Variants in GOLGA4 observed in about 807,000 individuals in gnomAD.
GOLGA4 encodes golgin subfamily A member 4.
Under a neutral mutation model 265.9 loss-of-function variants are expected in GOLGA4, and 169 were observed. That is an observed-to-expected ratio of 0.64 (90% CI 0.56 to 0.72). The LOEUF (loss-of-function observed/expected upper bound fraction) is 0.72, where lower values mean the gene tolerates loss of function less well. GOLGA4 is among the 30% of genes least tolerant of loss of function. The pLI is 0.00. For synonymous variants in GOLGA4, 923 were observed against 855.8 expected (o/e 1.08, Z -1.37); for missense variants, 2,482 against 2,483.4 (o/e 1.00, Z 0.01).
At chr3:37,279,212 G>A (rs1454350735) in intron 2 of GOLGA4, among the ~76,000 whole-genome samples, 1 of 152,118 alleles carries the variant, frequency 6.6e-6, no homozygotes, top group Non-Finnish European at 1.5e-5. Context: ...ATCCTATAAA[G>A]ATTGAACATC....
chr3:37,273,892 A>T (rs1019132151), intron 2 of GOLGA4, among the ~76,000 whole-genome samples: 1 of 152,170 alleles, frequency 6.6e-6, no homozygotes, highest in Non-Finnish European at 1.5e-5. Context: ...GCTTGAGGCC[A>T]AGAGTTCGAG....
intron 2 of GOLGA4, among the ~76,000 whole-genome samples, chr3:37,265,383 A>G (rs1036794364): frequency 2.6e-5 from 4 of 152,346 alleles, no homozygotes; most frequent in Non-Finnish European, 5.9e-5. Context: ...TACATACTTT[A>G]GAGAAAAATA....
At chr3:37,331,030 CAA>C (rs1205353359) in intron 16 of GOLGA4, among the ~76,000 whole-genome samples, 6 of 63,092 alleles carry the variant, frequency 9.5e-5, no homozygotes, top group African/African-American at 1.2e-4. Context: ...GACTCCGTCT[CAA>C]AAAAAAAAAA....
chr3:37,354,368 G>A (rs1245202460), intron 21 of GOLGA4, among the ~76,000 whole-genome samples: 1 of 151,986 alleles, frequency 6.6e-6, no homozygotes, highest in African/African-American at 2.4e-5. Flanking sequence ...TTCATAAGTG[G>A]TATCTTCTTT....
chr3:37,257,903 A>G (rs1180091493), intron 2 of GOLGA4, among the ~76,000 whole-genome samples: 1 of 131,214 alleles, frequency 7.6e-6, no homozygotes, highest in African/African-American at 2.9e-5. Flanking sequence ...ACATATATAT[A>G]TATATATATA....
In GOLGA4 at chr3:37,315,040, T is replaced by C. The variant is rs569229728; in HGVS notation, c.1235-380T>C. On this transcript the variant is annotated intron_variant, in intron 10 of 23. Transcript: ENST00000361924. ...ACATAATTATTGATGATAAGAACTT[T>C]AGAGCAAACGAAAAACAATTGAAAT... Among the ~76,000 whole-genome samples, 7 of 152,340 alleles carry C rather than the reference T, an allele frequency of 4.6e-5. No homozygotes were observed. The East Asian group carries it at 1.3e-3, about 29-fold the overall frequency.
intron 11 of GOLGA4, among the ~76,000 whole-genome samples, chr3:37,317,268 C>T (rs2096940402): frequency 6.6e-6 from 1 of 152,228 alleles, no homozygotes; most frequent in African/African-American, 2.4e-5. Flanking sequence ...CCCCCACGTT[C>T]AAGCAATTCT....
intron 12 of GOLGA4, chr3:37,319,807 C>G (rs146771546): frequency 6.6e-6 from 1 of 152,130 alleles, no homozygotes; most frequent in African/African-American, 2.4e-5. Flanking sequence ...GTATAACCAA[C>G]ACACTTTCAT....
rs2096973965 is a variant in GOLGA4, at chr3:37,327,158, G to A, written c.5272G>A (p.Glu1758Lys). 1.2e-6 allele frequency: 2 copies of A among 1,613,676 alleles called. No individual in the cohort carries two copies. Among genetic ancestry groups the A allele is most frequent in the Admixed American group, 1.7e-5 (1 of 59,994 alleles). Residue 1758 changes from glutamate (E) to lysine (K), a missense_variant, in exon 14 of 24, where the codon GAA becomes AAA. Coordinates refer to ENST00000361924, the MANE Select transcript of GOLGA4 (RefSeq NM_002078.5). ...KEKLLQRVGQ[E>K]KEETVSSHFE... Reference sequence around the variant, plus strand: ...AAAGCTATTGCAGAGGGTAGGGCAGGAAAAAGAAGAGACAGTTTCTTCTCA... The same window carrying A: ...AAAGCTATTGCAGAGGGTAGGGCAGAAAAAAGAAGAGACAGTTTCTTCTCA...
intron 20 of GOLGA4, among the ~76,000 whole-genome samples, chr3:37,344,048 C>T (rs1179374478): frequency 6.6e-6 from 1 of 152,212 alleles, no homozygotes; most frequent in African/African-American, 2.4e-5. Flanking sequence ...TATATGGTTA[C>T]CTTGAGGTAC....
chr3:37,322,326 C>A (rs544722210), intron 13 of GOLGA4, among the ~76,000 whole-genome samples: 14 of 152,238 alleles, frequency 9.2e-5, no homozygotes, highest in Admixed American at 1.3e-4. Flanking sequence ...CATTTGGTTT[C>A]CCCAGTTTTT....
At chr3:37,261,964 T>C (rs528179797) in intron 2 of GOLGA4, among the ~76,000 whole-genome samples, 1 of 152,206 alleles carries the variant, frequency 6.6e-6, no homozygotes, top group East Asian at 1.9e-4. Flanking sequence ...AATACCTTTT[T>C]CAAGATGAGC....
At chr3:37,284,637 T>C (rs1344961175) in intron 3 of GOLGA4, among the ~76,000 whole-genome samples, 1 of 151,824 alleles carries the variant, frequency 6.6e-6, no homozygotes, top group Admixed American at 6.6e-5. Context: ...TTATATTCTT[T>C]GTTGCTAGAC....
intron 5 of GOLGA4, among the ~76,000 whole-genome samples, chr3:37,294,631 CCCT>C (rs1268113832): frequency 1.3e-5 from 2 of 152,178 alleles, no homozygotes; most frequent in African/African-American, 4.8e-5. Flanking sequence ...AAGTGATCCA[CCCT>C]CCTCGGCCTC....
At chr3:37,254,957 G>T (rs1297643766) in intron 2 of GOLGA4, among the ~76,000 whole-genome samples, 3 of 147,904 alleles carry the variant, frequency 2.0e-5, no homozygotes, top group Non-Finnish European at 4.5e-5. Flanking sequence ...CTATTATCTA[G>T]AAATCCCATT....
rs1476392027 is a variant in GOLGA4 at position 37,282,132 on chromosome 3, A to G, written c.337A>G (p.Ser113Gly). Reference sequence around the variant, plus strand: ...ACTTGACCTGGACAGTTCTACTGCCAGTTTTGATCCACCCTCTGATATGGA... The same window carrying G: ...ACTTGACCTGGACAGTTCTACTGCCGGTTTTGATCCACCCTCTGATATGGA... ...NRLDLDSSTA[S>G]FDPPSDMDSE... Residue 113 changes from serine to glycine, a missense_variant, in exon 3 of 24, where the codon AGT becomes GGT. Around this residue, in one of 3 missense-constraint regions of GOLGA4, gnomAD observed 1,536 missense variants for 1,483.7 expected, o/e 1.04. Transcript: ENST00000361924. The G allele has an allele frequency of 6.2e-7, 1 of 1,614,206 alleles. No individual in the cohort carries two copies. Among genetic ancestry groups the G allele is most frequent in the South Asian group, 1.1e-5 (1 of 91,088 alleles).
chr3:37,255,433 G>T (rs1184739724), intron 2 of GOLGA4, among the ~76,000 whole-genome samples: 5 of 152,156 alleles, frequency 3.3e-5, no homozygotes, highest in African/African-American at 1.2e-4. Context: ...AAAGTGCTGG[G>T]ATTACAGGCA....
chr3:37,315,174 A>C (rs1254216940), intron 10 of GOLGA4, among the ~76,000 whole-genome samples: 1 of 152,190 alleles, frequency 6.6e-6, no homozygotes, highest in East Asian at 1.9e-4. Context: ...CCAAACTTCT[A>C]AGCTTAGGCT....
chr3:37,269,842 C>T (rs539796316), intron 2 of GOLGA4, among the ~76,000 whole-genome samples: 84 of 141,196 alleles, frequency 5.9e-4, no homozygotes, highest in African/African-American at 2.2e-3. Flanking sequence ...ATGTTGTTCT[C>T]TGTGTGCTTA....
Sources: gnomAD v4.1 joint callset for allele counts (sites outside exome capture counted in the v4.1 genomes callset) on GRCh38, gnomAD v4.1.1 for gene constraint, gnomAD v4.1.1 regional missense constraint, MANE v1.5 for transcripts, NCBI Gene and HGNC (gene_info 2026-07-23, HGNC 2026-07-21) for gene names.